DYNC2I2: variants seen among roughly 807,000 people sequenced by gnomAD.
The protein encoded by DYNC2I2 is cytoplasmic dynein 2 intermediate chain 2.
A neutral mutation model predicts 52.0 loss-of-function variants in DYNC2I2; 39 were observed. The ratio of observed to expected loss-of-function variants is 0.75; its 90% CI spans 0.58 to 0.98. The LOEUF (loss-of-function observed/expected upper bound fraction) is 0.98, where lower values mean the gene tolerates loss of function less well. DYNC2I2 is among the 50% of genes least tolerant of loss of function. The pLI, the probability that DYNC2I2 is intolerant of heterozygous loss-of-function variation, is 0.00. For synonymous variants in DYNC2I2, 359 were observed against 321.1 expected (o/e 1.12, Z -1.26); for missense variants, 743 against 728.4 (o/e 1.02, Z -0.23).
the DYNC2I2 span, among the ~76,000 whole-genome samples, chr9:128,666,536 C>T: frequency 9.9e-5 from 15 of 151,688 alleles, no homozygotes; most frequent in African/African-American, 3.4e-4. Flanking sequence ...CTGAGGTGGG[C>T]GGATCACTTG....
At chr9:128,681,754 G>C in the DYNC2I2 span, among the ~76,000 whole-genome samples, 1 of 152,070 alleles carries the variant, frequency 6.6e-6, no homozygotes, top group Non-Finnish European at 1.5e-5. Context: ...AGTGGCCTTT[G>C]TGACCCCCAG....
At chr9:128,679,034 A>G in the DYNC2I2 span, among the ~76,000 whole-genome samples, 1 of 152,042 alleles carries the variant, frequency 6.6e-6, no homozygotes, top group South Asian at 2.1e-4. Context: ...GCGTCACTGC[A>G]CTCCAGCCTG....
chr9:128,635,061 A>AGGCCAGGGCAGTTTCCGGGT, intron 6 of DYNC2I2, 31 bp downstream of exon 6: 1 of 1,596,674 alleles, frequency 6.3e-7, no homozygotes, highest in South Asian at 1.1e-5. Context: ...TCACCGGCGC[A>AGGCCAGGGCAGTTTCCGGGT]GGCCAGGGCA....
At chr9:128,639,393 G>C (rs1395809672) in intron 2 of DYNC2I2, among the ~76,000 whole-genome samples, 2 of 151,356 alleles carry the variant, frequency 1.3e-5, no homozygotes, top group Non-Finnish European at 2.9e-5. Context: ...GCGAGACTCT[G>C]TCTCAAAAAA....
At chr9:128,668,890 G>A in the DYNC2I2 span, among the ~76,000 whole-genome samples, 1 of 151,560 alleles carries the variant, frequency 6.6e-6, no homozygotes, top group Non-Finnish European at 1.5e-5. Flanking sequence ...TACTTACCGG[G>A]ACAGTGTATA....
chr9:128,677,441 C>T, the DYNC2I2 span, among the ~76,000 whole-genome samples: 5 of 151,630 alleles, frequency 3.3e-5, no homozygotes, highest in Admixed American at 6.6e-5. Flanking sequence ...GCTGAAATCG[C>T]TCCACTGCAC....
chr9:128,683,809 G>A, the DYNC2I2 span: 8 of 1,186,182 alleles, frequency 6.7e-6, no homozygotes, highest in Non-Finnish European at 9.4e-6. Context: ...GATTTAAGCC[G>A]CTGGCACCTG....
the DYNC2I2 span, among the ~76,000 whole-genome samples, chr9:128,684,232 T>C: frequency 2.1e-4 from 32 of 152,032 alleles, no homozygotes; most frequent in Non-Finnish European, 4.6e-4. Context: ...CACTGACCCC[T>C]GAGCTTGTCT....
At chr9:128,678,992 C>A in the DYNC2I2 span, among the ~76,000 whole-genome samples, 1 of 152,070 alleles carries the variant, frequency 6.6e-6, no homozygotes, top group Non-Finnish European at 1.5e-5. Flanking sequence ...TGGCGTGAAC[C>A]TGGGAAGCGG....
At chr9:128,649,542 A>C (rs1323829702) in intron 1 of DYNC2I2, among the ~76,000 whole-genome samples, 1 of 151,236 alleles carries the variant, frequency 6.6e-6, no homozygotes, top group African/African-American at 2.4e-5. Context: ...TACAAAAAAG[A>C]GCCAGGCCTA....
the DYNC2I2 span, among the ~76,000 whole-genome samples, chr9:128,668,803 G>A: frequency 4.7e-5 from 7 of 148,808 alleles, no homozygotes; most frequent in South Asian, 2.1e-4. Flanking sequence ...AAAACAGAGC[G>A]AGACTCAGTC....
chr9:128,636,033 ACCT>A (rs1218011778), intron 4 of DYNC2I2: 1 of 720,968 alleles, frequency 1.4e-6, no homozygotes, highest in Non-Finnish European at 2.4e-6. Flanking sequence ...TCCCAAGGGC[ACCT>A]GCCTCTTCTG....
At chr9:128,635,394 AG>A in intron 5 of DYNC2I2, 135 bp from the exon 6 acceptor site, 1 of 1,168,328 alleles carries the variant, frequency 8.6e-7, no homozygotes, top group Non-Finnish European at 1.2e-6. Context: ...CTCACCCACC[AG>A]GGGGCAGGCC....
chr9:128,633,986 CAAAG>C lies in DYNC2I2; in HGVS notation c.1373-8_1373-5del, dbSNP rs753751750. On this transcript the variant is annotated splice_polypyrimidine_tract_variant and splice_region_variant and intron_variant, in intron 8 of 8. Coordinates refer to ENST00000372715, the MANE Select transcript of DYNC2I2 (RefSeq NM_052844.4). ...AGATCAAACAGCTGCACGTCACCTG[CAAAG>C]AGAGACAGATACGTGGAGTAAGAGA... The C allele has an allele frequency of 1.9e-6, 3 of 1,612,788 alleles. No individual in the cohort carries two copies. Among genetic ancestry groups the C allele is most frequent in the Non-Finnish European group, 2.5e-6 (3 of 1,179,972 alleles).
chr9:128,678,162 C>CGCAT, the DYNC2I2 span, among the ~76,000 whole-genome samples: 1 of 151,548 alleles, frequency 6.6e-6, no homozygotes, highest in African/African-American at 2.4e-5. Flanking sequence ...CTCTGCCTCC[C>CGCAT]GCATTCAAGC....
Position 128,634,748 on chromosome 9 carries a change from C to T in DYNC2I2, c.1155G>A (p.Gln385=), listed in dbSNP as rs138263531. ...PSSVPLRAPA[Q]FTFSPHGGPI... The stretch of plus-strand genomic sequence containing the variant: ...GACCGCCGTGGGGGGAGAAGGTAAA[C>T]TGTGCTGGGGCCCGCAGGGGCACGG... Residue 385 remains glutamine, a synonymous_variant, in exon 7 of 9, where the codon CAG becomes CAA. Transcript: ENST00000372715. 6.2e-7 allele frequency: 1 copy of T among 1,602,552 alleles called. No individual in the cohort carries two copies. The highest frequency in any genetic ancestry group is 2.3e-5 in the East Asian group (1 of 44,348).
At chr9:128,666,737 T>A in the DYNC2I2 span, among the ~76,000 whole-genome samples, 7,751 of 145,032 alleles carry the variant, frequency 0.053, 249 homozygotes, top group East Asian at 0.13. Context: ...CCAACCTGGG[T>A]GACAGAGCAA....
chr9:128,682,778 C>G, the DYNC2I2 span, among the ~76,000 whole-genome samples: 31 of 150,034 alleles, frequency 2.1e-4, no homozygotes, highest in Admixed American at 2.7e-4. Flanking sequence ...CGGGTTCACA[C>G]CATTCTCCTG....
Position 128,636,327 on chromosome 9 carries a change from A to G in DYNC2I2, c.657T>C (p.Ala219=), listed in dbSNP as rs761447438. Residue 219 remains alanine (A), a synonymous_variant, in exon 4 of 9, where the codon GCT becomes GCC. Transcript: ENST00000372715. Reference sequence around the variant, plus strand: ...TGGGGTGGAAGGCCAGACACAGGACAGCGCTGGGGACCTCCACCACGGCCG... The same window carrying G: ...TGGGGTGGAAGGCCAGACACAGGACGGCGCTGGGGACCTCCACCACGGCCG... ...QPSAVVEVPS[A]VLCLAFHPTQ... is the part of the protein sequence containing the mutation. The G allele has an allele frequency of 4.4e-6, 7 of 1,595,794 alleles. No homozygotes were observed. The highest frequency in any genetic ancestry group is 6.0e-6 in the Non-Finnish European group (7 of 1,171,806).
Sources: allele counts gnomAD v4.1 joint callset (sites outside exome capture counted in the v4.1 genomes callset), GRCh38; gene constraint gnomAD v4.1.1; transcripts MANE v1.5; gene names NCBI Gene and HGNC (gene_info 2026-07-23, HGNC 2026-07-21).